Variants in KCNB2 observed in about 807,000 individuals in gnomAD.
The protein encoded by KCNB2 is potassium voltage-gated channel subfamily B member 2.
A neutral mutation model predicts 61.5 loss-of-function variants in KCNB2; 15 were observed. That is an observed-to-expected ratio of 0.24 (90% CI 0.16 to 0.38). The LOEUF is 0.38. Ranked by LOEUF, KCNB2 falls within the 10% of genes least tolerant of loss-of-function variation. The pLI is 1.00. For synonymous variants in KCNB2, 457 were observed against 446.0 expected, an observed-to-expected ratio of 1.02 and a Z score of -0.31; for missense variants, 828 against 1,125.2, an observed-to-expected ratio of 0.74 and a Z score of 3.78.
chr8:72,545,847 C>T (rs1806249810), intron 1 of KCNB2, among the ~76,000 whole-genome samples: 1 of 152,092 alleles, frequency 6.6e-6, no homozygotes, highest in Non-Finnish European at 1.5e-5. Flanking sequence ...AATGTTACTC[C>T]AATGAATACA....
rs553324221 is a variant in KCNB2 at position 72,756,499 on chromosome 8, A to G, written c.580-179436A>G. Among the ~76,000 whole-genome samples, 17 of 152,364 alleles carry G rather than the reference A, an allele frequency of 1.1e-4. No individual in the cohort carries two copies. The East Asian group carries it at 3.1e-3, about 28-fold the overall frequency. ...TACTTGAATCACCTATGGAGTTTTT[A>G]AAATTCCAATGCCTAGAACTGCCCT... On this transcript the variant is annotated intron_variant, in intron 2 of 2. Transcript: ENST00000523207.
chr8:72,749,135 A>T (rs1250426344), intron 2 of KCNB2, among the ~76,000 whole-genome samples: 7 of 151,766 alleles, frequency 4.6e-5, no homozygotes, highest in African/African-American at 1.7e-4. Context: ...TTATTTATTT[A>T]TTTTTTGAGA....
intron 2 of KCNB2, among the ~76,000 whole-genome samples, chr8:72,748,591 C>T (rs1329933176): frequency 6.9e-6 from 1 of 144,524 alleles, no homozygotes; most frequent in Non-Finnish European, 1.5e-5. Flanking sequence ...GTACTGAACT[C>T]ACTTTGGTTT....
intron 2 of KCNB2, among the ~76,000 whole-genome samples, chr8:72,934,228 C>T (rs556195813): frequency 6.6e-6 from 1 of 151,912 alleles, no homozygotes; most frequent in East Asian, 1.9e-4. Context: ...ATTAGCTGAG[C>T]ATGGTGGTGC....
chr8:72,633,852 G>T (rs564431159), intron 2 of KCNB2, among the ~76,000 whole-genome samples: 3 of 152,118 alleles, frequency 2.0e-5, no homozygotes, highest in Non-Finnish European at 2.9e-5. Context: ...TGATATAAAC[G>T]TACCCTGCTA....
intron 1 of KCNB2, among the ~76,000 whole-genome samples, chr8:72,546,400 C>T (rs1806258487): frequency 1.3e-5 from 2 of 151,994 alleles, no homozygotes; most frequent in Non-Finnish European, 2.9e-5. Flanking sequence ...TGCCTGTAAT[C>T]CCAGCTACTT....
chr8:72,751,944 G>A (rs1808196981), intron 2 of KCNB2: 1 of 152,248 alleles, frequency 6.6e-6, no homozygotes, highest in Non-Finnish European at 1.5e-5. Flanking sequence ...AACTTTAAGT[G>A]TCTTCTTTAG....
chr8:72,633,369 C>T (rs1163898428), intron 2 of KCNB2, among the ~76,000 whole-genome samples: 1 of 152,148 alleles, frequency 6.6e-6, no homozygotes, highest in African/African-American at 2.4e-5. Flanking sequence ...TTTAAGGGCT[C>T]ATGTGATTAG....
At chr8:72,824,626 A>C (rs1442997805) in intron 2 of KCNB2, among the ~76,000 whole-genome samples, 3 of 152,162 alleles carry the variant, frequency 2.0e-5, no homozygotes, top group Non-Finnish European at 4.4e-5. Context: ...CATCCCAAAG[A>C]AGCAATTTTA....
chr8:72,651,886 A>G (rs1454951106), intron 2 of KCNB2, among the ~76,000 whole-genome samples: 1 of 152,016 alleles, frequency 6.6e-6, no homozygotes, highest in East Asian at 1.9e-4. Flanking sequence ...TTAAAGATGA[A>G]CCCTTGAGTC....
chr8:72,750,207 A>T (rs1187630469), intron 2 of KCNB2: 2 of 152,120 alleles, frequency 1.3e-5, no homozygotes, highest in East Asian at 3.8e-4. Context: ...CTATTTTGTT[A>T]CATGTCACTG....
chr8:72,930,711 G>C (rs1232156470), intron 2 of KCNB2, among the ~76,000 whole-genome samples: 2 of 152,144 alleles, frequency 1.3e-5, no homozygotes, highest in African/African-American at 4.8e-5. Context: ...TTTGTCAGAT[G>C]AGTAGATTGC....
intron 2 of KCNB2, among the ~76,000 whole-genome samples, chr8:72,641,988 C>A (rs796894154): frequency 3.9e-5 from 6 of 152,224 alleles, no homozygotes; most frequent in African/African-American, 1.4e-4. Flanking sequence ...TTAAACATGT[C>A]CTCTGAACAT....
chr8:72,821,606 C>A, intron 2 of KCNB2, among the ~76,000 whole-genome samples: 1 of 118,682 alleles, frequency 8.4e-6, no homozygotes, highest in African/African-American at 3.2e-5. Flanking sequence ...TATACTCATT[C>A]AAAGTAAGTT....
intron 2 of KCNB2, among the ~76,000 whole-genome samples, chr8:72,692,097 G>T (rs780468817): frequency 1.7e-4 from 26 of 151,848 alleles, no homozygotes; most frequent in Non-Finnish European, 3.4e-4. Flanking sequence ...TTAGCCAGAC[G>T]TGGTGGTGGG....
intron 2 of KCNB2, among the ~76,000 whole-genome samples, chr8:72,863,913 A>G (rs2129004234): frequency 6.6e-6 from 1 of 152,278 alleles, no homozygotes; most frequent in Non-Finnish European, 1.5e-5. Context: ...CTGAGGTGGG[A>G]GGATCACTTG....
At chr8:72,863,244 C>T (rs758511788) in intron 2 of KCNB2, among the ~76,000 whole-genome samples, 7 of 152,144 alleles carry the variant, frequency 4.6e-5, no homozygotes, top group Non-Finnish European at 7.4e-5. Context: ...GAGCTGAAAA[C>T]AATTTGTCCT....
At chr8:72,733,468 G>A (rs1417877749) in intron 2 of KCNB2, among the ~76,000 whole-genome samples, 1 of 152,124 alleles carries the variant, frequency 6.6e-6, no homozygotes, top group African/African-American at 2.4e-5. Context: ...AATCAGATCT[G>A]GGTTCAGAGT....
intron 2 of KCNB2, among the ~76,000 whole-genome samples, chr8:72,681,756 A>C (rs537570181): frequency 7.8e-4 from 119 of 152,336 alleles, no homozygotes; most frequent in African/African-American, 2.8e-3. Context: ...CATCACCACA[A>C]GCACGTGAAT....
Sources: allele counts gnomAD v4.1 joint callset (sites outside exome capture counted in the v4.1 genomes callset), GRCh38; gene constraint gnomAD v4.1.1; transcripts MANE v1.5; gene names NCBI Gene and HGNC (gene_info 2026-07-23, HGNC 2026-07-21).